The following LMNTD1 variants were observed in gnomAD, a reference collection of about 807,000 sequenced individuals.
The protein encoded by LMNTD1 is lamin tail domain containing 1.
A neutral mutation model predicts 50.9 loss-of-function variants in LMNTD1; 35 were observed. That is an observed-to-expected ratio of 0.69 (90% confidence interval 0.53 to 0.91). The LOEUF (loss-of-function observed/expected upper bound fraction) is 0.91, where lower values mean the gene tolerates loss of function less well. Ranked by LOEUF, LMNTD1 falls within the 40% of genes least tolerant of loss-of-function variation. The probability of loss-of-function intolerance (pLI) is 0.00; values close to 1 mark genes in which losing one functional copy is unlikely to be tolerated. For missense variants in LMNTD1, 470 were observed against 475.5 expected (o/e 0.99, Z 0.11); for synonymous variants, 153 against 161.9 (o/e 0.94, Z 0.42).
chr12:25,526,762 TACTC>T lies in LMNTD1; in HGVS notation c.678+3_678+6del. The T allele has an allele frequency of 6.3e-7, 1 of 1,584,842 alleles. No individual in the cohort carries two copies. ...CTAATGTACAGTATTTATACTCTTA[TACTC>T]ACTGTTACTGTGGAATTTGCCTGCA... On this transcript the variant is annotated splice_donor_5th_base_variant and intron_variant, in intron 5 of 9. Coordinates refer to ENST00000458174, the MANE Select transcript of LMNTD1 (RefSeq NM_001145728.2).
intron 1 of LMNTD1, among the ~76,000 whole-genome samples, chr12:25,591,856 A>AGAGAGAGG (rs1272885136): frequency 6.7e-6 from 1 of 149,478 alleles, no homozygotes; most frequent in Non-Finnish European, 1.5e-5. Context: ...AGAGAGAGAG[A>AGAGAGAGG]GACTCTATTT....
chr12:25,568,570 G>C (rs1944655221), intron 1 of LMNTD1, among the ~76,000 whole-genome samples: 2 of 152,196 alleles, frequency 1.3e-5, no homozygotes, highest in South Asian at 4.1e-4. Flanking sequence ...AGAGACTTAT[G>C]AGGCAGCTCT....
intron 1 of LMNTD1, among the ~76,000 whole-genome samples, chr12:25,574,418 G>C (rs1944915767): frequency 6.6e-6 from 1 of 152,022 alleles, no homozygotes; most frequent in Non-Finnish European, 1.5e-5. Flanking sequence ...CACCGCTTCT[G>C]ACTCCAAAGT....
intron 1 of LMNTD1, among the ~76,000 whole-genome samples, chr12:25,563,223 G>C (rs1192405877): frequency 6.6e-6 from 1 of 152,224 alleles, no homozygotes; most frequent in African/African-American, 2.4e-5. Flanking sequence ...GAGGCGCTCT[G>C]ATTTTTAGAA....
chr12:25,542,645 A>G (rs1406621459), intron 4 of LMNTD1, among the ~76,000 whole-genome samples: 1 of 151,814 alleles, frequency 6.6e-6, no homozygotes, highest in African/African-American at 2.4e-5. Context: ...TGGGTGCAGC[A>G]CACTAGCATG....
rs183738731 is a variant in LMNTD1, at chr12:25,583,083, G to A, written c.59-36529C>T. Among the ~76,000 whole-genome samples, 560 of 151,030 alleles carry A rather than the reference G, an allele frequency of 3.7e-3. 2 individuals carry two copies. The highest frequency in any genetic ancestry group is 0.013 in the African/African-American group (519 of 41,176). ...GGCTGGAGTGCAGTGGTGCTATCTCGGTATCTTGGCTCACTGCAAGCTCTA... is the reference window on the plus strand; with the variant it reads ...GGCTGGAGTGCAGTGGTGCTATCTCAGTATCTTGGCTCACTGCAAGCTCTA... On this transcript the variant is annotated intron_variant, in intron 1 of 7. Transcript: ENST00000445693.
In LMNTD1 at chr12:25,493,050, C is replaced by T. The variant is rs182828485; in HGVS notation, c.*22+10688G>A. ...AAACATCTAGCCTGTCTCTTAAAATCAGCTCCTTGGCACCTATCTGCAATT... is the reference window on the plus strand; with the variant it reads ...AAACATCTAGCCTGTCTCTTAAAATTAGCTCCTTGGCACCTATCTGCAATT... On this transcript the variant is annotated intron_variant, in intron 9 of 9. Transcript: ENST00000458174. Among the ~76,000 whole-genome samples, 349 of 152,314 alleles carry T rather than the reference C, an allele frequency of 2.3e-3. 6 individuals are homozygous for T. Among genetic ancestry groups the T allele is most frequent in the Non-Finnish European group, 8.7e-4 (59 of 68,030 alleles).
chr12:25,531,371 T>A (rs993100496), intron 4 of LMNTD1, among the ~76,000 whole-genome samples: 9 of 152,122 alleles, frequency 5.9e-5, no homozygotes, highest in African/African-American at 1.2e-4. Flanking sequence ...ATTTTTAGAG[T>A]CAGTTTGTCA....
At chr12:25,612,328 A>G (rs3046747) in intron 1 of LMNTD1, among the ~76,000 whole-genome samples, 17,359 of 146,188 alleles carry the variant, frequency 0.12, 1,326 homozygotes, top group Admixed American at 0.2. Flanking sequence ...ACACACACAC[A>G]CGCGCTCCCA....
intron 1 of LMNTD1, among the ~76,000 whole-genome samples, chr12:25,583,014 ATTT>A (rs34107463): frequency 3.0e-5 from 4 of 135,420 alleles, no homozygotes; most frequent in Admixed American, 7.4e-5. Context: ...TGCCTGGATA[ATTT>A]TTTTTTTTTT....
At chr12:25,556,652 C>T (rs1565477058), upstream of LMNTD1, among the ~76,000 whole-genome samples, 1 of 152,114 alleles carries the variant, frequency 6.6e-6, no homozygotes, top group Admixed American at 6.5e-5. Flanking sequence ...GAGAATTTTG[C>T]TGGGGAATTG....
At chr12:25,592,438 A>C (rs1945728060) in intron 1 of LMNTD1, 1 of 152,264 alleles carries the variant, frequency 6.6e-6, no homozygotes, top group South Asian at 2.1e-4. Flanking sequence ...TTTGCCCTGG[A>C]ACACCCCCAC....
intron 1 of LMNTD1, among the ~76,000 whole-genome samples, chr12:25,599,817 A>C (rs904786464): frequency 7.9e-5 from 12 of 152,014 alleles, no homozygotes; most frequent in Admixed American, 6.6e-4. Flanking sequence ...AAAAGTGAAA[A>C]CATATTCCAT....
At chr12:25,503,125 G>T (rs1939480358) in intron 9 of LMNTD1, 1 of 152,200 alleles carries the variant, frequency 6.6e-6, no homozygotes, top group South Asian at 2.1e-4. Context: ...ACTAGAGAAA[G>T]ACACAAACCA....
intron 4 of LMNTD1, among the ~76,000 whole-genome samples, chr12:25,536,891 AG>A (rs1219407990): frequency 6.6e-6 from 1 of 152,274 alleles, no homozygotes; most frequent in Non-Finnish European, 1.5e-5. Flanking sequence ...GAGCCGAAGC[AG>A]GGCGAGGCAT....
chr12:25,592,016 A>G (rs1945715238), intron 1 of LMNTD1, among the ~76,000 whole-genome samples: 1 of 152,176 alleles, frequency 6.6e-6, no homozygotes, highest in South Asian at 2.1e-4. Flanking sequence ...TAAAGCAGAT[A>G]CAACTTAAAT....
chr12:25,564,759 T>C (rs374032713), intron 1 of LMNTD1, among the ~76,000 whole-genome samples: 7 of 152,230 alleles, frequency 4.6e-5, no homozygotes, highest in African/African-American at 1.7e-4. Flanking sequence ...GTCTATAGTG[T>C]ATATTAAGTC....
chr12:25,480,843 G>T (rs1456290457), intron 9 of LMNTD1, among the ~76,000 whole-genome samples: 1 of 152,182 alleles, frequency 6.6e-6, no homozygotes, highest in East Asian at 1.9e-4. Flanking sequence ...ATCCATGTGG[G>T]TCAACCATGA....
At chr12:25,532,620 G>A (rs1419087990) in intron 4 of LMNTD1, among the ~76,000 whole-genome samples, 1 of 152,122 alleles carries the variant, frequency 6.6e-6, no homozygotes, top group Non-Finnish European at 1.5e-5. Context: ...GAAATCTCGT[G>A]ATATACATTA....
Sources: gnomAD v4.1 joint callset for allele counts (sites outside exome capture counted in the v4.1 genomes callset) on GRCh38, gnomAD v4.1.1 for gene constraint, MANE v1.5 for transcripts, NCBI Gene and HGNC (gene_info 2026-07-23, HGNC 2026-07-21) for gene names.